Variants in GRM7 observed in about 807,000 individuals in gnomAD.
GRM7 encodes the protein glutamate metabotropic receptor 7.
A neutral mutation model predicts 84.5 loss-of-function variants in GRM7; 35 were observed. The observed-to-expected ratio is 0.41, with a 90% CI of 0.32 to 0.55. GRM7 has a LOEUF of 0.55. GRM7 is among the 20% of genes least tolerant of loss of function. GRM7 has a pLI of 0.19. For missense variants in GRM7, 1,003 were observed against 1,194.6 expected (o/e 0.84, Z 2.36); for synonymous variants, 487 against 455.1 (o/e 1.07, Z -0.89).
rs114774176 is a variant in GRM7, at chr3:7,137,413, T to C, written c.520-9039T>C. The stretch of plus-strand genomic sequence containing the variant: ...TTTTATTGCTGTTTTTATTCCCTGT[T>C]TGCTTGTTTATTTTTAACAATGGCC... On this transcript the variant is annotated intron_variant, in intron 1 of 9. Transcript: ENST00000357716. Among the ~76,000 whole-genome samples, 1,385 of 152,188 alleles carry C rather than the reference T, an allele frequency of 9.1e-3. 26 individuals carry two copies. The highest frequency in any genetic ancestry group is 0.032 in the African/African-American group (1,313 of 41,540).
intron 7 of GRM7, among the ~76,000 whole-genome samples, chr3:7,481,241 A>T (rs938247698): frequency 1.3e-5 from 2 of 151,844 alleles, no homozygotes; most frequent in African/African-American, 4.8e-5. Flanking sequence ...ACCATGCTTG[A>T]TTTTTTTAAA....
intron 1 of GRM7, among the ~76,000 whole-genome samples, chr3:7,027,605 G>A (rs1424169098): frequency 6.6e-6 from 1 of 151,754 alleles, no homozygotes; most frequent in Non-Finnish European, 1.5e-5. Context: ...CTCTCCACAT[G>A]TATACTGGAA....
intron 1 of GRM7, among the ~76,000 whole-genome samples, chr3:7,050,866 A>G (rs940281973): frequency 6.6e-6 from 1 of 151,860 alleles, no homozygotes; most frequent in Admixed American, 6.6e-5. Flanking sequence ...TGTTTGATTC[A>G]AAACCAATTA....
In GRM7 at chr3:7,165,174, T is replaced by G. The variant is rs1694758844; in HGVS notation, c.736+18506T>G. Among the ~76,000 whole-genome samples the G allele has an allele frequency of 2.0e-5, 3 of 152,226 alleles. No individual in the cohort carries two copies. In the South Asian group the frequency reaches 6.2e-4, roughly 31 times the overall value. ...TCTGTTTTCACTCTTCCTAACTTCCTCACCATCCGCAACTCTGTTTCTGGT... is the reference window on the plus strand; with the variant it reads ...TCTGTTTTCACTCTTCCTAACTTCCGCACCATCCGCAACTCTGTTTCTGGT... On this transcript the variant is annotated intron_variant, in intron 2 of 9. Transcript: ENST00000357716.
chr3:7,256,631 A>G (rs1014826602), intron 2 of GRM7, among the ~76,000 whole-genome samples: 5 of 142,480 alleles, frequency 3.5e-5, no homozygotes, highest in Non-Finnish European at 5.9e-5. Flanking sequence ...ACACACACAC[A>G]TGCACACACA....
intron 1 of GRM7, among the ~76,000 whole-genome samples, chr3:6,887,945 T>G (rs935294302): frequency 2.6e-5 from 4 of 152,226 alleles, no homozygotes; most frequent in Admixed American, 2.6e-4. Flanking sequence ...AGATAGTATC[T>G]CATTGTGGTT....
At chr3:7,405,713 G>T (rs908419946) in intron 4 of GRM7, among the ~76,000 whole-genome samples, 2 of 152,102 alleles carry the variant, frequency 1.3e-5, no homozygotes, top group Non-Finnish European at 2.9e-5. Flanking sequence ...TTATTTTGGA[G>T]AGATAATATT....
chr3:6,919,456 C>T (rs576547647), intron 1 of GRM7, among the ~76,000 whole-genome samples: 114 of 151,424 alleles, frequency 7.5e-4, no homozygotes, highest in African/African-American at 2.6e-3. Context: ...GATCCACCCA[C>T]CTTGGCCTCC....
chr3:7,467,151 G>T (rs760475295), intron 7 of GRM7, among the ~76,000 whole-genome samples: 1 of 151,998 alleles, frequency 6.6e-6, no homozygotes, highest in African/African-American at 2.4e-5. Context: ...GCAGTGGCGC[G>T]ATCTTGGCTC....
chr3:7,059,372 C>A (rs1697348726), intron 1 of GRM7, among the ~76,000 whole-genome samples: 1 of 151,700 alleles, frequency 6.6e-6, no homozygotes, highest in South Asian at 2.1e-4. Context: ...TTCCCCCTAC[C>A]ATTGTTTAAG....
At chr3:7,395,739 C>G (rs1416293344) in intron 4 of GRM7, among the ~76,000 whole-genome samples, 5 of 152,136 alleles carry the variant, frequency 3.3e-5, no homozygotes, top group Non-Finnish European at 7.3e-5. Flanking sequence ...ATGAGGCCTC[C>G]CCAGTCATAT....
chr3:7,713,129 T>TG (rs201479080), intron 9 of GRM7, among the ~76,000 whole-genome samples: 7 of 132,748 alleles, frequency 5.3e-5, no homozygotes, highest in Admixed American at 7.3e-5. Context: ...GTTTTGTTTT[T>TG]TTTTTTTTTT....
At chr3:7,479,782 T>A (rs1306356069) in intron 7 of GRM7, among the ~76,000 whole-genome samples, 1 of 152,136 alleles carries the variant, frequency 6.6e-6, no homozygotes, top group East Asian at 1.9e-4. Flanking sequence ...AGTGGAGTGG[T>A]GAATAAACCC....
chr3:7,352,439 C>T (rs965437189), intron 4 of GRM7, among the ~76,000 whole-genome samples: 3 of 152,038 alleles, frequency 2.0e-5, no homozygotes, highest in Non-Finnish European at 4.4e-5. Context: ...GATTTGAACT[C>T]CAGGCTCCAG....
At chr3:7,257,276 C>T (rs570637338) in intron 2 of GRM7, among the ~76,000 whole-genome samples, 2 of 152,192 alleles carry the variant, frequency 1.3e-5, no homozygotes, top group Non-Finnish European at 2.9e-5. Flanking sequence ...TCATTGTCTA[C>T]ATGTTGTCCA....
At chr3:6,957,921 T>C (rs1307312591) in intron 1 of GRM7, among the ~76,000 whole-genome samples, 1 of 152,200 alleles carries the variant, frequency 6.6e-6, no homozygotes, top group Non-Finnish European at 1.5e-5. Context: ...GTACAGACTG[T>C]TATAATATAA....
intron 5 of GRM7, among the ~76,000 whole-genome samples, chr3:7,423,849 C>T (rs1051882115): frequency 2.0e-5 from 3 of 152,044 alleles, no homozygotes; most frequent in Admixed American, 6.6e-5. Context: ...GGTATGTGGG[C>T]GAACACATAT....
chr3:7,059,147 T>TC (rs1208877093), intron 1 of GRM7, among the ~76,000 whole-genome samples: 1 of 151,684 alleles, frequency 6.6e-6, no homozygotes, highest in African/African-American at 2.4e-5. Flanking sequence ...TTGAAGAGGA[T>TC]CCCCTACTTT....
intron 8 of GRM7, chr3:7,608,145 A>C: frequency 5.5e-6 from 1 of 182,068 alleles, no homozygotes; most frequent in South Asian, 8.0e-5. Flanking sequence ...ATGGGCATTC[A>C]GGTTGACTCC....
Sources: allele counts gnomAD v4.1 joint callset (sites outside exome capture counted in the v4.1 genomes callset), GRCh38; gene constraint gnomAD v4.1.1; transcripts MANE v1.5; gene names NCBI Gene and HGNC (gene_info 2026-07-23, HGNC 2026-07-21).